The following PATJ variants were observed in gnomAD, a reference collection of about 807,000 sequenced individuals.
PATJ encodes the protein PATJ crumbs cell polarity complex component.
Under a neutral mutation model 224.9 loss-of-function variants are expected in PATJ, and 190 were observed. That is an observed-to-expected ratio of 0.84 (90% CI 0.75 to 0.95). The LOEUF (loss-of-function observed/expected upper bound fraction) is 0.95, where lower values mean the gene tolerates loss of function less well. Among genes scored for constraint, PATJ ranks in the 40% least tolerant of loss-of-function variants. The pLI is 0.00. For missense variants in PATJ, 2,121 were observed against 2,270.3 expected, an observed-to-expected ratio of 0.93 and a Z score of 1.34; for synonymous variants, 769 against 820.3, an observed-to-expected ratio of 0.94 and a Z score of 1.07.
chr1:61,929,613 C>T (rs1337951898), intron 27 of PATJ, among the ~76,000 whole-genome samples: 2 of 152,164 alleles, frequency 1.3e-5, no homozygotes, highest in East Asian at 3.8e-4. Context: ...AAGAATGTGT[C>T]CAAAGTTAGA....
chr1:62,034,794 G>T (rs77477577), intron 29 of PATJ, among the ~76,000 whole-genome samples: 30,170 of 152,058 alleles, frequency 0.2, 3,263 homozygotes, highest in Non-Finnish European at 0.25. Context: ...GACTTTAAAG[G>T]CCATTAAAGT....
At chr1:61,825,897 C>A (rs1267001454) in intron 15 of PATJ, among the ~76,000 whole-genome samples, 1 of 152,142 alleles carries the variant, frequency 6.6e-6, no homozygotes, top group Non-Finnish European at 1.5e-5. Flanking sequence ...AGTTACTACC[C>A]ATTTAGTTGA....
At chr1:62,040,814 G>C (rs1031438780) in intron 30 of PATJ, among the ~76,000 whole-genome samples, 11 of 152,144 alleles carry the variant, frequency 7.2e-5, no homozygotes, top group South Asian at 2.1e-4. Context: ...GTTTTTAAAG[G>C]ATCCATTTGG....
At chr1:62,013,577 C>T (rs1570033075) in intron 28 of PATJ, 8 of 864,300 alleles carry the variant, frequency 9.3e-6, no homozygotes, top group Non-Finnish European at 9.7e-6. Context: ...CAAGGACTGA[C>T]TTTACCATGT....
At chr1:61,976,207 A>C (rs1644121893) in intron 27 of PATJ, among the ~76,000 whole-genome samples, 1 of 151,994 alleles carries the variant, frequency 6.6e-6, no homozygotes, top group Non-Finnish European at 1.5e-5. Context: ...AAGTGAACAT[A>C]ACGTGCTTCT....
chr1:62,028,254 T>A (rs1292532488), intron 29 of PATJ, among the ~76,000 whole-genome samples: 1 of 152,138 alleles, frequency 6.6e-6, no homozygotes, highest in Non-Finnish European at 1.5e-5. Flanking sequence ...GAGTAGTGGC[T>A]CTTCACAGGC....
intron 31 of PATJ, among the ~76,000 whole-genome samples, chr1:62,077,396 A>T (rs918474060): frequency 1.3e-5 from 2 of 152,198 alleles, no homozygotes; most frequent in Admixed American, 1.3e-4. Flanking sequence ...ATATTAAATG[A>T]TGCTGATAGT....
chr1:61,835,247 T>C (rs1326688198), intron 17 of PATJ, among the ~76,000 whole-genome samples: 1 of 152,218 alleles, frequency 6.6e-6, no homozygotes, highest in East Asian at 1.9e-4. Flanking sequence ...TATTGGTTAA[T>C]ATTAGAGTAT....
chr1:61,806,160 C>A (rs1190805476), intron 13 of PATJ, among the ~76,000 whole-genome samples: 1 of 152,180 alleles, frequency 6.6e-6, no homozygotes, highest in Non-Finnish European at 1.5e-5. Context: ...CTACAGTGTT[C>A]ACTAAATGCA....
intron 29 of PATJ, among the ~76,000 whole-genome samples, chr1:62,037,595 C>T (rs1337196377): frequency 2.6e-5 from 4 of 152,138 alleles, no homozygotes; most frequent in South Asian, 2.1e-4. Context: ...ACAAAACGCC[C>T]CAGACATTAA....
At chr1:62,108,249 AAAT>A (rs1334011548) in intron 33 of PATJ, among the ~76,000 whole-genome samples, 185 bp from the exon 34 acceptor site, 3 of 152,256 alleles carry the variant, frequency 2.0e-5, no homozygotes, top group South Asian at 2.1e-4. Context: ...TAAAGGAATG[AAAT>A]AATAATCTTA....
At chr1:62,131,424 G>A (rs894308819) in intron 41 of PATJ, among the ~76,000 whole-genome samples, 3 of 152,090 alleles carry the variant, frequency 2.0e-5, no homozygotes, top group African/African-American at 7.2e-5. Flanking sequence ...GCAAAATCTA[G>A]TATTATTGAT....
chr1:61,854,666 G>A (rs909961065), intron 17 of PATJ, among the ~76,000 whole-genome samples: 6 of 152,060 alleles, frequency 3.9e-5, no homozygotes, highest in African/African-American at 9.7e-5. Flanking sequence ...TCTGAGCCTC[G>A]GTTTCGTCAT....
intron 34 of PATJ, among the ~76,000 whole-genome samples, chr1:62,109,372 A>G (rs1360292173): frequency 6.6e-6 from 1 of 152,212 alleles, no homozygotes; most frequent in Non-Finnish European, 1.5e-5. Flanking sequence ...ATGAAACCAG[A>G]GATATAATTA....
Position 61,970,979 on chromosome 1 carries a change from G to A in PATJ, c.3671-19189G>A, listed in dbSNP as rs1338667724. 2.6e-5 allele frequency among the ~76,000 whole-genome samples: 4 copies of A among 152,160 alleles called. 1 individual carries two copies. Among genetic ancestry groups the A allele is most frequent in the South Asian group, 2.1e-4 (1 of 4,824 alleles). On this transcript the variant is annotated intron_variant, in intron 27 of 43. Coordinates refer to ENST00000642238, the MANE Select transcript of PATJ (RefSeq NM_001350145.3). Reference sequence around the variant, plus strand: ...TTTCTCACAAGCAAGCTTAATTAACGAAAGCTTCAAAACCACAAAACATTC... The same window carrying A: ...TTTCTCACAAGCAAGCTTAATTAACAAAAGCTTCAAAACCACAAAACATTC...
At chr1:61,775,441 A>G (rs1646860552) in intron 7 of PATJ, 107 bp downstream of exon 7, 2 of 926,736 alleles carry the variant, frequency 2.2e-6, no homozygotes, top group African/African-American at 3.4e-5. Context: ...CTTAATAACA[A>G]GAATTTAAGT....
intron 20 of PATJ, 111 bp downstream of exon 20, chr1:61,864,744 A>C: frequency 1.1e-6 from 1 of 912,496 alleles, no homozygotes; most frequent in Non-Finnish European, 1.6e-6. Context: ...GCCTTTCCGT[A>C]AGTCGTCACT....
intron 34 of PATJ, among the ~76,000 whole-genome samples, chr1:62,109,832 G>C (rs760017469): frequency 2.0e-5 from 3 of 152,138 alleles, no homozygotes; most frequent in Non-Finnish European, 4.4e-5. Flanking sequence ...ACAGGTGTAA[G>C]TACCCATCTG....
intron 6 of PATJ, among the ~76,000 whole-genome samples, chr1:61,772,050 G>C (rs574231229): frequency 5.3e-5 from 8 of 149,976 alleles, no homozygotes; most frequent in African/African-American, 2.0e-4. Context: ...TAAAAAAGAT[G>C]ATCATATCTC....
Sources: allele counts gnomAD v4.1 joint callset (sites outside exome capture counted in the v4.1 genomes callset), GRCh38; gene constraint gnomAD v4.1.1; transcripts MANE v1.5; gene names NCBI Gene and HGNC (gene_info 2026-07-23, HGNC 2026-07-21).